Variants in FAT3 observed in about 807,000 individuals in gnomAD.
FAT3 encodes the protein protocadherin Fat 3.
A neutral mutation model predicts 310.2 loss-of-function variants in FAT3; 95 were observed. The ratio of observed to expected loss-of-function variants is 0.31; its 90% CI spans 0.26 to 0.36. FAT3 has a LOEUF of 0.36. Among genes scored for constraint, FAT3 ranks in the 10% least tolerant of loss-of-function variants. The probability of loss-of-function intolerance (pLI) is 1.00; values close to 1 mark genes in which losing one functional copy is unlikely to be tolerated. For missense variants in FAT3, 5,408 were observed against 5,715.6 expected (o/e 0.95, Z 1.74); for synonymous variants, 2,314 against 2,192.9 (o/e 1.06, Z -1.54).
At chr11:92,396,699 C>T (rs1275740580) in intron 2 of FAT3, among the ~76,000 whole-genome samples, 1 of 151,978 alleles carries the variant, frequency 6.6e-6, no homozygotes, top group Non-Finnish European at 1.5e-5. Flanking sequence ...TTTTGTTGGC[C>T]CTTTGTTATT....
rs540954996 is a variant in FAT3, at chr11:92,465,950, T to C, written c.3293-58684T>C. ...AGTAAAACATCAACAAAGTCACAGA[T>C]GTAATTACCATAGTCATAAATAGTA... On this transcript the variant is annotated intron_variant, in intron 2 of 27. Transcript: ENST00000525166. Among the ~76,000 whole-genome samples the C allele has an allele frequency of 3.0e-4, 46 of 152,218 alleles. No individual in the cohort carries two copies. The South Asian group carries it at 8.9e-3, about 29-fold the overall frequency.
At chr11:92,734,860 A>G (rs753311039) in intron 4 of FAT3, among the ~76,000 whole-genome samples, 29 of 152,120 alleles carry the variant, frequency 1.9e-4, no homozygotes, top group Non-Finnish European at 4.1e-4. Flanking sequence ...TGAGCCTGCA[A>G]AAAGGAGCAT....
chr11:92,703,272 G>C (rs1333860088), intron 4 of FAT3, among the ~76,000 whole-genome samples: 2 of 152,172 alleles, frequency 1.3e-5, no homozygotes, highest in Non-Finnish European at 2.9e-5. Context: ...TCTTCCTTTG[G>C]TAAAGCATCT....
intron 13 of FAT3, among the ~76,000 whole-genome samples, chr11:92,826,588 A>G (rs964357646): frequency 3.9e-5 from 6 of 152,230 alleles, no homozygotes; most frequent in African/African-American, 1.4e-4. Flanking sequence ...TACTAATGTT[A>G]TGATATGTGA....
At chr11:92,554,856 G>A (rs1443926791) in intron 3 of FAT3, among the ~76,000 whole-genome samples, 1 of 152,182 alleles carries the variant, frequency 6.6e-6, no homozygotes, top group Non-Finnish European at 1.5e-5. Context: ...GAAGTGTGAA[G>A]CATCTTCTCT....
At chr11:92,256,676 G>A (rs552528438) in intron 1 of FAT3, among the ~76,000 whole-genome samples, 2 of 152,018 alleles carry the variant, frequency 1.3e-5, no homozygotes, top group Non-Finnish European at 2.9e-5. Context: ...TATTTATTAT[G>A]GATTTACTCT....
At chr11:92,749,726 T>G (rs1945778379) in intron 4 of FAT3, among the ~76,000 whole-genome samples, 1 of 152,184 alleles carries the variant, frequency 6.6e-6, no homozygotes. Flanking sequence ...CACACATAAC[T>G]GGTGATTTAC....
At chr11:92,678,793 C>CT (rs936425861) in intron 3 of FAT3, among the ~76,000 whole-genome samples, 1 of 152,010 alleles carries the variant, frequency 6.6e-6, no homozygotes, top group Non-Finnish European at 1.5e-5. Context: ...GTTAAATATA[C>CT]TTTTTTAACT....
chr11:92,267,707 G>A (rs1467601740), intron 1 of FAT3, among the ~76,000 whole-genome samples: 1 of 152,082 alleles, frequency 6.6e-6, no homozygotes, highest in Non-Finnish European at 1.5e-5. Flanking sequence ...AATATTAAAG[G>A]AAAATAAAAA....
At chr11:92,769,786 G>T (rs949376168) in intron 6 of FAT3, among the ~76,000 whole-genome samples, 11 of 152,238 alleles carry the variant, frequency 7.2e-5, no homozygotes, top group African/African-American at 2.4e-4. Flanking sequence ...CAGGAAGGCT[G>T]CTTTGACCCT....
At chr11:92,485,815 T>C (rs1055565658) in intron 2 of FAT3, among the ~76,000 whole-genome samples, 3 of 152,162 alleles carry the variant, frequency 2.0e-5, no homozygotes, top group Non-Finnish European at 4.4e-5. Context: ...TTGTAGTATG[T>C]TAAAACAACC....
chr11:92,348,219 G>C (rs575020042), intron 1 of FAT3, among the ~76,000 whole-genome samples: 1 of 151,718 alleles, frequency 6.6e-6, no homozygotes, highest in East Asian at 1.9e-4. Context: ...GACAAACTTA[G>C]TCCTGCTCAG....
At chr11:92,796,048 A>G (rs1443222028) in intron 9 of FAT3, among the ~76,000 whole-genome samples, 1 of 152,066 alleles carries the variant, frequency 6.6e-6, no homozygotes, top group Non-Finnish European at 1.5e-5. Flanking sequence ...GTCGGGCACC[A>G]TAATCAGTGA....
intron 2 of FAT3, among the ~76,000 whole-genome samples, chr11:92,368,743 G>T (rs540947516): frequency 1.3e-5 from 2 of 151,774 alleles, no homozygotes; most frequent in African/African-American, 2.4e-5. Flanking sequence ...ATGCTAAAAT[G>T]CTGGGTGTCT....
At chr11:92,451,704 A>T (rs1005709252) in intron 2 of FAT3, among the ~76,000 whole-genome samples, 1 of 152,182 alleles carries the variant, frequency 6.6e-6, no homozygotes, top group Non-Finnish European at 1.5e-5. Flanking sequence ...CATGTGAAAC[A>T]GAGGGAAGTG....
intron 14 of FAT3, among the ~76,000 whole-genome samples, chr11:92,833,400 A>G (rs542540994): frequency 6.6e-6 from 1 of 152,318 alleles, no homozygotes; most frequent in East Asian, 1.9e-4. Context: ...TATAAACAAG[A>G]AATCATTATA....
intron 1 of FAT3, among the ~76,000 whole-genome samples, chr11:92,254,028 G>A (rs1253148980): frequency 6.6e-6 from 1 of 152,106 alleles, no homozygotes; most frequent in Non-Finnish European, 1.5e-5. Flanking sequence ...CTTCACAGAA[G>A]CTCCAAATTC....
chr11:92,617,780 C>T (rs1419448506), intron 3 of FAT3, among the ~76,000 whole-genome samples: 8 of 152,172 alleles, frequency 5.3e-5, no homozygotes, highest in African/African-American at 1.4e-4. Context: ...GTGTCACCAG[C>T]GGAGCCTGCA....
rs1273840097 is a variant in FAT3 at position 92,867,151 on chromosome 11, C to T, written c.12069C>T (p.Asp4023=). Residue 4023 remains aspartate (D), a synonymous_variant, in exon 22 of 28, where the codon GAC becomes GAT. Transcript: ENST00000525166. ...AGCTGGGCTGCGTGCTCTATCCCGA[C>T]GCCTGCAAGCGCAGCCCGTGCCAGC... ...ELKLGCVLYP[D]ACKRSPCQHG... 2 of 1,599,070 alleles carry T rather than the reference C, an allele frequency of 1.3e-6. No individual in the cohort carries two copies. Among genetic ancestry groups the T allele is most frequent in the Non-Finnish European group, 8.5e-7 (1 of 1,174,612 alleles).
Sources: gnomAD v4.1 joint callset for allele counts (sites outside exome capture counted in the v4.1 genomes callset) on GRCh38, gnomAD v4.1.1 for gene constraint, MANE v1.5 for transcripts, NCBI Gene and HGNC (gene_info 2026-07-23, HGNC 2026-07-21) for gene names.